Variants in RYR2 observed in about 807,000 individuals in gnomAD.
The protein encoded by RYR2 is cardiac muscle ryanodine receptor-calcium release channel.
RYR2 carries 227 observed loss-of-function variants against 601.1 expected under a neutral mutation model. The ratio of observed to expected loss-of-function variants is 0.38; its 90% CI spans 0.34 to 0.42. The LOEUF (loss-of-function observed/expected upper bound fraction) is 0.42. Among genes scored for constraint, RYR2 ranks in the 10% least tolerant of loss-of-function variants. The pLI is 1.00. For synonymous variants in RYR2, 2,223 were observed against 2,175.1 expected (o/e 1.02, Z -0.61); for missense variants, 4,646 against 6,156.5 (o/e 0.75, Z 8.21).
chr1:237,795,858 A>ATG (rs1558433884), intron 96 of RYR2, among the ~76,000 whole-genome samples: 10 of 134,882 alleles, frequency 7.4e-5, no homozygotes, highest in South Asian at 2.3e-4. Flanking sequence ...ATGTATATGT[A>ATG]TATATATATA....
chr1:237,694,617 A>G (rs1251629574), intron 63 of RYR2, among the ~76,000 whole-genome samples: 1 of 152,216 alleles, frequency 6.6e-6, no homozygotes, highest in African/African-American at 2.4e-5. Context: ...TGAAAGTAAT[A>G]AAGTATACAT....
At position 237,584,655 on chromosome 1, in the gene RYR2, T is replaced by TGTTTTTTG. The variant is rs1417203265; in HGVS notation, c.3599-5138_3599-5137insGTTTTTTG. Among the ~76,000 whole-genome samples, 23 of 129,674 alleles carry TGTTTTTTG rather than the reference T, an allele frequency of 1.8e-4. 2 individuals carry two copies. The highest frequency in any genetic ancestry group is 4.6e-4 in the East Asian group (2 of 4,364). The allele number at this position is 129,674 out of a possible 152,430, so 85.1% of individuals were successfully genotyped here. A position where few individuals can be genotyped will look rare whatever the true frequency, so the allele number is the denominator to read the frequency against. ...CAAATCCAGCTCACCACCTGTTTTT[T>TGTTTTTTG]TTTTTTTTTTTTTTTTTTGAGACAG... On this transcript the variant is annotated intron_variant, in intron 29 of 104. Transcript: ENST00000366574.
At chr1:237,449,754 A>G (rs1324685487) in intron 14 of RYR2, among the ~76,000 whole-genome samples, 2 of 115,884 alleles carry the variant, frequency 1.7e-5, no homozygotes, top group East Asian at 7.8e-4. Flanking sequence ...TTCTAGATTG[A>G]CAAGTTTTTT....
At chr1:237,687,917 A>G (rs1056824010) in intron 63 of RYR2, among the ~76,000 whole-genome samples, 16 of 152,094 alleles carry the variant, frequency 1.1e-4, no homozygotes, top group South Asian at 4.1e-4. Flanking sequence ...GCTCTTGACT[A>G]CAGATTTGCA....
chr1:237,582,388 G>A (rs1674018027), intron 29 of RYR2, among the ~76,000 whole-genome samples: 1 of 151,024 alleles, frequency 6.6e-6, no homozygotes, highest in Non-Finnish European at 1.5e-5. Flanking sequence ...GGGATTGCAG[G>A]AGTGAGCCAT....
chr1:237,314,848 T>C (rs1694952886), intron 2 of RYR2, among the ~76,000 whole-genome samples: 1 of 152,176 alleles, frequency 6.6e-6, no homozygotes, highest in South Asian at 2.1e-4. Context: ...TTTACCAGAT[T>C]CATTCTTGAA....
intron 1 of RYR2, among the ~76,000 whole-genome samples, chr1:237,145,593 T>A (rs1673918050): frequency 6.6e-6 from 1 of 152,228 alleles, no homozygotes; most frequent in Non-Finnish European, 1.5e-5. Flanking sequence ...TCCTGCTCAC[T>A]GTCTGTCCAC....
At position 237,717,229 on chromosome 1, in the gene RYR2, T is replaced by C. The variant is rs1689339195; in HGVS notation, c.10355T>C (p.Met3452Thr). The change falls in exon 72 of 105, where the codon ATG becomes ACG. Residue 3452 changes from methionine (M) to threonine (T), a missense_variant. Met to Thr is a moderately conservative substitution (Grantham distance 81). This residue lies in a region of RYR2 where 1,497 missense variants were observed against 1,842.6 expected (regional missense o/e 0.81). Coordinates refer to ENST00000366574, the MANE Select transcript of RYR2 (RefSeq NM_001035.3). ...GTTTCTGATCAGGAAAGGAAGAAAA[T>C]GAAGCGCAAAGGAGATCGGTATTCC... is the stretch of plus-strand genomic sequence containing the variant. ...AAVSDQERKKMKRKGDRYSMQ... is the reference protein window; with the variant it reads ...AAVSDQERKKTKRKGDRYSMQ... The C allele has an allele frequency of 3.1e-6, 5 of 1,613,636 alleles. No individual in the cohort carries two copies. Among genetic ancestry groups the C allele is most frequent in the Non-Finnish European group, 4.2e-6 (5 of 1,179,686 alleles).
At chr1:237,608,639 G>A (rs1677423586) in intron 35 of RYR2, among the ~76,000 whole-genome samples, 1 of 152,086 alleles carries the variant, frequency 6.6e-6, no homozygotes, top group African/African-American at 2.4e-5. Context: ...AGACATGGAG[G>A]CTGCTGTGAG....
intron 16 of RYR2, among the ~76,000 whole-genome samples, chr1:237,463,984 C>G (rs1372730777): frequency 6.6e-6 from 1 of 152,202 alleles, no homozygotes; most frequent in Non-Finnish European, 1.5e-5. Context: ...AGAAACTACT[C>G]TTAAACTTAA....
At chr1:237,809,094 A>C in intron 100 of RYR2, 59 bp downstream of exon 100, 2 of 1,444,444 alleles carry the variant, frequency 1.4e-6, no homozygotes, top group Non-Finnish European at 1.9e-6. Context: ...CTGCAGTCTA[A>C]GTAATTGTGT....
At chr1:237,473,383 G>A (rs1175852956) in intron 17 of RYR2, among the ~76,000 whole-genome samples, 3 of 149,824 alleles carry the variant, frequency 2.0e-5, no homozygotes, top group South Asian at 4.2e-4. Flanking sequence ...GAGATTGCAC[G>A]ACTGCACTCC....
intron 38 of RYR2, among the ~76,000 whole-genome samples, chr1:237,620,457 G>C (rs1197152531): frequency 6.6e-6 from 1 of 152,092 alleles, no homozygotes; most frequent in Non-Finnish European, 1.5e-5. Context: ...TGAAATGACA[G>C]ACTGAAGTCA....
intron 1 of RYR2, among the ~76,000 whole-genome samples, chr1:237,269,145 C>T (rs1689427766): frequency 6.8e-6 from 1 of 146,948 alleles, no homozygotes; most frequent in East Asian, 2.1e-4. Context: ...CAGGTTAAAG[C>T]AATTCTCCTG....
chr1:237,115,024 G>A (rs1669897217), intron 1 of RYR2, among the ~76,000 whole-genome samples: 1 of 152,170 alleles, frequency 6.6e-6, no homozygotes, highest in South Asian at 2.1e-4. Context: ...GAGGTTTCCA[G>A]ACCTTTGAGG....
chr1:237,274,662 C>T (rs1690077952), intron 2 of RYR2, among the ~76,000 whole-genome samples: 1 of 152,076 alleles, frequency 6.6e-6, no homozygotes, highest in Non-Finnish European at 1.5e-5. Flanking sequence ...GGGTAGTGTC[C>T]TAGGCCTTCA....
chr1:237,432,656 A>G (rs568391212), intron 12 of RYR2, among the ~76,000 whole-genome samples: 1 of 152,274 alleles, frequency 6.6e-6, no homozygotes, highest in African/African-American at 2.4e-5. Flanking sequence ...TGGAATTTAA[A>G]AAATGACTTT....
chr1:237,653,959 C>T (rs533115901), intron 51 of RYR2, among the ~76,000 whole-genome samples: 51 of 152,282 alleles, frequency 3.3e-4, no homozygotes, highest in African/African-American at 1.1e-3. Context: ...TTAGATGGTG[C>T]CCACCCAGAT....
intron 1 of RYR2, among the ~76,000 whole-genome samples, chr1:237,255,234 C>A (rs184773593): frequency 1.3e-5 from 2 of 152,100 alleles, no homozygotes; most frequent in African/African-American, 2.4e-5. Flanking sequence ...ATGTATCTGT[C>A]GATGTTAATC....
Sources: allele counts gnomAD v4.1 joint callset (sites outside exome capture counted in the v4.1 genomes callset), GRCh38; gene constraint gnomAD v4.1.1; regional missense constraint gnomAD v4.1.1; transcripts MANE v1.5; gene names NCBI Gene and HGNC (gene_info 2026-07-23, HGNC 2026-07-21).